Variants in AGBL4 observed in about 807,000 individuals in gnomAD.
AGBL4 encodes cytosolic carboxypeptidase 6.
AGBL4 carries 58 observed loss-of-function variants against 66.4 expected under a neutral mutation model. That is an observed-to-expected ratio of 0.87 (90% CI 0.71 to 1.09). The LOEUF (loss-of-function observed/expected upper bound fraction) is 1.09. Ranked by LOEUF, AGBL4 falls within the 50% of genes least tolerant of loss-of-function variation. The pLI, the probability that AGBL4 is intolerant of heterozygous loss-of-function variation, is 0.00. For synonymous variants in AGBL4, 234 were observed against 222.9 expected (o/e 1.05, Z -0.44); for missense variants, 579 against 631.0 (o/e 0.92, Z 0.88).
chr1:48,751,049 T>C (rs149251967), intron 6 of AGBL4, among the ~76,000 whole-genome samples: 1 of 152,162 alleles, frequency 6.6e-6, no homozygotes, highest in African/African-American at 2.4e-5. Flanking sequence ...TGAAATCCTA[T>C]ATATTCTGAT....
intron 4 of AGBL4, among the ~76,000 whole-genome samples, chr1:49,118,366 C>T (rs1645576753): frequency 6.6e-6 from 1 of 152,032 alleles, no homozygotes; most frequent in African/African-American, 2.4e-5. Context: ...TCATAAATGG[C>T]TCTTATTAAT....
At position 49,075,046 on chromosome 1, in the gene AGBL4, G is replaced by A. The variant is rs12079367; in HGVS notation, c.378-29246C>T. On this transcript the variant is annotated intron_variant, in intron 4 of 13. Transcript: ENST00000371839. ...TTAAATGAAACACTTGAAGAGAAAGGGATTAATTCAGTTCATTCCCTGGAC... is the reference window on the plus strand; with the variant it reads ...TTAAATGAAACACTTGAAGAGAAAGAGATTAATTCAGTTCATTCCCTGGAC... Among the ~76,000 whole-genome samples, 317 of 152,050 alleles carry A rather than the reference G, an allele frequency of 2.1e-3. 5 individuals are homozygous for A. Among genetic ancestry groups the A allele is most frequent in the African/African-American group, 7.1e-3 (294 of 41,468 alleles).
At chr1:48,939,189 A>C (rs924454197) in intron 5 of AGBL4, among the ~76,000 whole-genome samples, 1 of 152,218 alleles carries the variant, frequency 6.6e-6, no homozygotes, top group Non-Finnish European at 1.5e-5. Context: ...TCATCAGTAT[A>C]TACTTAGCAC....
At chr1:49,913,600 G>A (rs1032479758) in intron 1 of AGBL4, among the ~76,000 whole-genome samples, 1 of 152,232 alleles carries the variant, frequency 6.6e-6, no homozygotes, top group Admixed American at 6.5e-5. Flanking sequence ...TGATCTTGAG[G>A]ATGGCCCCAT....
At chr1:49,827,207 T>C (rs1476885246) in intron 2 of AGBL4, among the ~76,000 whole-genome samples, 1 of 151,978 alleles carries the variant, frequency 6.6e-6, no homozygotes, top group Non-Finnish European at 1.5e-5. Flanking sequence ...ATGCGGTATA[T>C]CAGTAGCAAT....
intron 4 of AGBL4, among the ~76,000 whole-genome samples, chr1:49,128,941 A>G (rs1333975855): frequency 2.0e-5 from 3 of 152,064 alleles, no homozygotes; most frequent in Non-Finnish European, 4.4e-5. Flanking sequence ...CCACATAGAA[A>G]AAAATTAATA....
intron 5 of AGBL4, among the ~76,000 whole-genome samples, chr1:49,031,616 A>C (rs901894177): frequency 6.6e-6 from 1 of 152,100 alleles, no homozygotes; most frequent in Non-Finnish European, 1.5e-5. Context: ...CCTTTCTTCA[A>C]AAAAAGATAT....
chr1:48,537,711 G>A (rs1419220748), intron 12 of AGBL4, among the ~76,000 whole-genome samples: 5 of 152,128 alleles, frequency 3.3e-5, no homozygotes, highest in African/African-American at 1.2e-4. Context: ...AATGATTAAG[G>A]ATCAAGATAA....
rs78035047 is a variant in AGBL4 at position 48,621,274 on chromosome 1, C to T, written c.951+13219G>A. Among the ~76,000 whole-genome samples, 238 of 152,274 alleles carry T rather than the reference C, an allele frequency of 1.6e-3. 3 individuals are homozygous for T. Among genetic ancestry groups the T allele is most frequent in the African/African-American group, 5.5e-3 (227 of 41,542 alleles). On this transcript the variant is annotated intron_variant, in intron 9 of 13. Transcript: ENST00000371839. ...AGAGATAGAAGGATGGCTGGTTAGA[C>T]AGACGAGTGGATAGATGGGTACTGA...
chr1:49,613,122 C>A (rs779786411), intron 3 of AGBL4, among the ~76,000 whole-genome samples: 25 of 152,090 alleles, frequency 1.6e-4, no homozygotes, highest in Admixed American at 7.2e-4. Flanking sequence ...AGTGAATTAA[C>A]TCAGTAACAA....
At chr1:49,040,433 T>C (rs903101048) in intron 5 of AGBL4, among the ~76,000 whole-genome samples, 5 of 152,046 alleles carry the variant, frequency 3.3e-5, no homozygotes, top group South Asian at 2.1e-4. Flanking sequence ...AGTTGAACAA[T>C]AACATATTTC....
chr1:49,243,752 T>C (rs1305919103), intron 4 of AGBL4, among the ~76,000 whole-genome samples: 1 of 151,672 alleles, frequency 6.6e-6, no homozygotes, highest in African/African-American at 2.4e-5. Flanking sequence ...TCTGAAGCAA[T>C]GTAAGTAGCT....
In AGBL4 at chr1:48,663,244, G is replaced by T; in HGVS notation, c.635-3C>A. The T allele has an allele frequency of 6.2e-7, 1 of 1,613,868 alleles. No individual in the cohort carries two copies. The highest frequency in any genetic ancestry group is 8.5e-7 in the Non-Finnish European group (1 of 1,179,810). On this transcript the variant is annotated splice_polypyrimidine_tract_variant and splice_region_variant and intron_variant, in intron 6 of 13. Transcript: ENST00000371839. ...CTCTGCCCCTTCCCGGAGATTGTCT[G>T]TAAGATAAAATGAAAGATGGTTGCT...
chr1:48,649,482 A>G (rs993205781), intron 8 of AGBL4, among the ~76,000 whole-genome samples: 3 of 152,214 alleles, frequency 2.0e-5, no homozygotes, highest in African/African-American at 4.8e-5. Context: ...GTTACTATAT[A>G]TTGCTGCTAT....
Position 48,978,830 on chromosome 1 carries a change from C to T in AGBL4, c.594+66754G>A, listed in dbSNP as rs375713263. Among the ~76,000 whole-genome samples the T allele has an allele frequency of 5.3e-5, 8 of 152,276 alleles. No individual in the cohort carries two copies. The South Asian group carries it at 1.0e-3, about 20-fold the overall frequency. On this transcript the variant is annotated intron_variant, in intron 5 of 13. Coordinates refer to ENST00000371839, the MANE Select transcript of AGBL4 (RefSeq NM_032785.4). ...GTCACTCGACAAGGCAATGGCTAAA[C>T]TGCATTAATTAATAGCTGCAATGTT... is the stretch of plus-strand genomic sequence containing the variant.
At chr1:49,768,031 A>G (rs2147876594) in intron 2 of AGBL4, among the ~76,000 whole-genome samples, 1 of 152,132 alleles carries the variant, frequency 6.6e-6, no homozygotes, top group Admixed American at 6.5e-5. Flanking sequence ...ACAAAACAAA[A>G]AAACCCTGTC....
intron 8 of AGBL4, among the ~76,000 whole-genome samples, chr1:48,637,730 T>C (rs986095067): frequency 2.0e-5 from 3 of 152,230 alleles, no homozygotes; most frequent in African/African-American, 7.2e-5. Context: ...TTCTGTGTGA[T>C]TCTGTAAGCC....
chr1:49,955,510 T>A (rs1212535071), intron 1 of AGBL4, among the ~76,000 whole-genome samples: 1 of 151,938 alleles, frequency 6.6e-6, no homozygotes, highest in African/African-American at 2.4e-5. Context: ...CCCAATACTA[T>A]ATATTCTAAT....
chr1:49,309,688 T>C (rs549040410), intron 3 of AGBL4, among the ~76,000 whole-genome samples: 4 of 152,054 alleles, frequency 2.6e-5, no homozygotes, highest in African/African-American at 9.6e-5. Flanking sequence ...ACGCAAATAA[T>C]AATGAAATAA....
Sources: allele counts gnomAD v4.1 joint callset (sites outside exome capture counted in the v4.1 genomes callset), GRCh38; gene constraint gnomAD v4.1.1; transcripts MANE v1.5; gene names NCBI Gene and HGNC (gene_info 2026-07-23, HGNC 2026-07-21).